Variants in KY observed in about 807,000 individuals in gnomAD.
KY encodes the protein kyphoscoliosis peptidase.
In KY, 43 loss-of-function variants were observed where a neutral mutation model predicts 76.1. The ratio of observed to expected loss-of-function variants is 0.57; its 90% CI spans 0.44 to 0.73. The LOEUF is 0.73. Among genes scored for constraint, KY ranks in the 30% least tolerant of loss-of-function variants. KY has a pLI of 0.00. For synonymous variants in KY, 277 were observed against 326.2 expected (o/e 0.85, Z 1.63); for missense variants, 722 against 828.9 (o/e 0.87, Z 1.58).
intron 6 of KY, 92 bp downstream of exon 6, chr3:134,624,961 A>C: frequency 1.9e-6 from 2 of 1,078,390 alleles, no homozygotes; most frequent in Non-Finnish European, 2.8e-6. Context: ...CACTCAGGAT[A>C]TGTTCAGGAG....
intron 9 of KY, 46 bp downstream of exon 9, chr3:134,610,149 C>T (rs746861788): frequency 6.4e-7 from 1 of 1,570,678 alleles, no homozygotes; most frequent in Admixed American, 1.8e-5. Flanking sequence ...GCACATCCTC[C>T]ACTTCCACCT....
chr3:134,628,956 G>A (rs1360749411), intron 4 of KY, among the ~76,000 whole-genome samples: 2 of 152,190 alleles, frequency 1.3e-5, no homozygotes, highest in African/African-American at 4.8e-5. Context: ...ACCTAAAGAG[G>A]ACTTGAGCCT....
chr3:134,604,305 G>A lies in KY; in HGVS notation c.1260C>T (p.Gly420=). The change falls in exon 11 of 11, where the codon GGC becomes GGT. Residue 420 remains glycine (G), a synonymous_variant. Coordinates refer to ENST00000423778, the MANE Select transcript of KY (RefSeq NM_178554.6). ...GCACTGAGCTGTAGATGTCGGAGTTGCCCTTGGCAAAGATCTGCAGCTTGT... is the reference window on the plus strand; with the variant it reads ...GCACTGAGCTGTAGATGTCGGAGTTACCCTTGGCAAAGATCTGCAGCTTGT... The part of the protein sequence containing the change: ...GTHKLQIFAK[G]NSDIYSSVLE... 6.2e-7 allele frequency: 1 copy of A among 1,614,006 alleles called. No individual in the cohort carries two copies.
At chr3:134,637,839 G>A (rs984872057) in intron 3 of KY, among the ~76,000 whole-genome samples, 2 of 152,326 alleles carry the variant, frequency 1.3e-5, no homozygotes, top group Middle Eastern at 3.4e-3. Flanking sequence ...TGATCAAGGT[G>A]AAAAACAAAC....
chr3:134,619,982 T>C (rs993535085), intron 7 of KY: 6 of 152,294 alleles, frequency 3.9e-5, no homozygotes. Flanking sequence ...CTAAGCTGCA[T>C]TCCAAACTGT....
At chr3:134,628,087 C>T in intron 4 of KY, 1 of 505,338 alleles carries the variant, frequency 2.0e-6, no homozygotes. Flanking sequence ...TTGCTCTGAC[C>T]TAACACTTTG....
At chr3:134,648,257 T>A (rs1966674410) in intron 1 of KY, among the ~76,000 whole-genome samples, 1 of 152,196 alleles carries the variant, frequency 6.6e-6, no homozygotes, top group Non-Finnish European at 1.5e-5. Context: ...CTTACGGTAC[T>A]GTTCCTGGAA....
At chr3:134,643,195 G>A in intron 3 of KY, 121 bp downstream of exon 3, 1 of 839,816 alleles carries the variant, frequency 1.2e-6, no homozygotes, top group East Asian at 2.5e-5. Flanking sequence ...AACACCCATG[G>A]GAGCAGAGAG....
rs753733495 is a variant in KY at position 134,610,379 on chromosome 3, C to T, written c.715G>A (p.Ala239Thr). The change falls in exon 9 of 11, where the codon GCC (alanine) becomes ACC (threonine). Residue 239 changes from alanine (A) to threonine (T), a missense_variant. Transcript: ENST00000423778. ...GGCACGGTCATACACTGCACTCCGG[C>T]GAGCCTGGGGGCAGGACAGGGGGTC... ...AGLFERMCRL[A>T]GVQCMTVPGY... 1.9e-5 allele frequency: 30 copies of T among 1,610,396 alleles called. No individual in the cohort carries two copies. In the East Asian group the frequency reaches 2.0e-4, roughly 11 times the overall value.
Position 134,603,371 on chromosome 3 carries a change from C to T in KY, c.*208G>A. On this transcript the variant is annotated 3_prime_UTR_variant, in exon 11 of 11. Transcript: ENST00000423778. ...TTTTCCTTCTAAAGAGCCACTGCCTCTGCCCCCTCAGTCACAGCCACACCT... is the reference window on the plus strand; with the variant it reads ...TTTTCCTTCTAAAGAGCCACTGCCTTTGCCCCCTCAGTCACAGCCACACCT... 1 of 501,102 alleles carries T rather than the reference C, an allele frequency of 2.0e-6. No individual in the cohort carries two copies. The highest frequency in any genetic ancestry group is 3.5e-6 in the Non-Finnish European group (1 of 285,252). The allele number at this position is 501,102 out of a possible 1,614,324, so 31.0% of individuals were successfully genotyped here. A position where few individuals can be genotyped will look rare whatever the true frequency, so the allele number is the denominator to read the frequency against.
At chr3:134,623,904 T>C (rs1560119744) in intron 6 of KY, among the ~76,000 whole-genome samples, 1 of 152,088 alleles carries the variant, frequency 6.6e-6, no homozygotes, top group Non-Finnish European at 1.5e-5. Flanking sequence ...CCCTATGGGC[T>C]TCCTCCACCC....
intron 10 of KY, among the ~76,000 whole-genome samples, chr3:134,606,197 G>A (rs114798907): frequency 6.6e-6 from 1 of 152,224 alleles, no homozygotes; most frequent in Non-Finnish European, 1.5e-5. Flanking sequence ...GCACAGTGAA[G>A]CCCAGATCCC....
intron 4 of KY, 32 bp from the exon 5 acceptor site, chr3:134,627,850 A>G (rs1963674160): frequency 7.7e-6 from 12 of 1,564,348 alleles, no homozygotes; most frequent in Non-Finnish European, 1.1e-5. Context: ...AAGTATAGAT[A>G]CTTCAGAAGA....
At chr3:134,616,996 A>G (rs1203355056) in intron 8 of KY, among the ~76,000 whole-genome samples, 3 of 152,162 alleles carry the variant, frequency 2.0e-5, no homozygotes, top group Non-Finnish European at 4.4e-5. Flanking sequence ...GAACAAAACT[A>G]ATAGGTGGTA....
Position 134,610,210 on chromosome 3 carries a change from G to C in KY, c.884C>G (p.Ser295Cys), listed in dbSNP as rs774464040. The change falls in exon 9 of 11, where the codon TCC (serine) becomes TGC (cysteine). Residue 295 changes from serine to cysteine, a missense_variant. This residue lies in a region of KY where 552 missense variants were observed against 680.9 expected (regional missense o/e 0.81). Transcript: ENST00000423778. ...AAGTACTTACAGGAAGGTGAATTTG[G>C]AGGTGATGGTGTCCACCAGGCCGCT... is the stretch of plus-strand genomic sequence containing the variant. Reference protein sequence around the residue: ...WGSGLVDTITSKFTFLYNEFY... With the variant: ...WGSGLVDTITCKFTFLYNEFY... 1.1e-4 allele frequency: 171 copies of C among 1,612,690 alleles called. No homozygotes were observed. In the Admixed American group the frequency reaches 1.4e-3, roughly 13 times the overall value.
intron 3 of KY, among the ~76,000 whole-genome samples, chr3:134,640,386 T>C (rs1300012630): frequency 2.6e-5 from 4 of 152,146 alleles, no homozygotes; most frequent in Non-Finnish European, 5.9e-5. Context: ...TTTAAATATC[T>C]TTGAGCTTCC....
At chr3:134,637,795 T>C (rs948889997) in intron 3 of KY, among the ~76,000 whole-genome samples, 8 of 152,230 alleles carry the variant, frequency 5.3e-5, no homozygotes, top group African/African-American at 1.9e-4. Context: ...GTATTAGCCA[T>C]GTCCTACTTC....
chr3:134,626,306 T>C (rs4566582), intron 5 of KY, among the ~76,000 whole-genome samples: 147,931 of 152,302 alleles, frequency 0.97, 71,969 homozygotes, highest in East Asian at 1. Context: ...AGAGTAGGGC[T>C]ATGTGAGAAA....
intron 8 of KY, among the ~76,000 whole-genome samples, chr3:134,612,787 G>GTGTGTA (rs1553807360): frequency 6.6e-6 from 1 of 151,576 alleles, no homozygotes; most frequent in East Asian, 2.0e-4. Context: ...GTGTGTGTGT[G>GTGTGTA]TGTGTGTGTT....
Sources: gnomAD v4.1 joint callset for allele counts (sites outside exome capture counted in the v4.1 genomes callset) on GRCh38, gnomAD v4.1.1 for gene constraint, gnomAD v4.1.1 regional missense constraint, MANE v1.5 for transcripts, NCBI Gene and HGNC (gene_info 2026-07-23, HGNC 2026-07-21) for gene names.